The following TMTC2 variants were observed in gnomAD, a reference collection of about 807,000 sequenced individuals.
TMTC2 encodes the protein protein O-mannosyl-transferase TMTC2.
A neutral mutation model predicts 82.4 loss-of-function variants in TMTC2; 43 were observed. The ratio of observed to expected loss-of-function variants is 0.52; its 90% CI spans 0.41 to 0.67. The LOEUF (loss-of-function observed/expected upper bound fraction) is 0.67. Ranked by LOEUF, TMTC2 falls within the 30% of genes least tolerant of loss-of-function variation. The pLI is 0.00. For synonymous variants in TMTC2, 408 were observed against 381.9 expected, an observed-to-expected ratio of 1.07 and a Z score of -0.80; for missense variants, 919 against 1,012.4, an observed-to-expected ratio of 0.91 and a Z score of 1.25.
chr12:83,087,382 T>G (rs1365107654), intron 11 of TMTC2, among the ~76,000 whole-genome samples: 1 of 152,222 alleles, frequency 6.6e-6, no homozygotes, highest in Non-Finnish European at 1.5e-5. Flanking sequence ...TCCTAACTCT[T>G]GTTAAGGTTG....
At chr12:82,735,560 T>A (rs1565727905) in intron 1 of TMTC2, among the ~76,000 whole-genome samples, 1 of 151,942 alleles carries the variant, frequency 6.6e-6, no homozygotes, top group South Asian at 2.1e-4. Context: ...TTAGCCAGGA[T>A]GGTCTCGATC....
At chr12:82,782,396 T>C (rs1441999038) in intron 1 of TMTC2, among the ~76,000 whole-genome samples, 1 of 152,154 alleles carries the variant, frequency 6.6e-6, no homozygotes, top group Non-Finnish European at 1.5e-5. Flanking sequence ...GGTCTCAGAA[T>C]TGATTACAGG....
chr12:83,091,558 T>C (rs1883850408), intron 11 of TMTC2, among the ~76,000 whole-genome samples: 1 of 152,246 alleles, frequency 6.6e-6, no homozygotes, highest in Admixed American at 6.5e-5. Context: ...ATTTTTTATG[T>C]TATTATTGAC....
chr12:82,946,865 C>A (rs1877028670), intron 4 of TMTC2, among the ~76,000 whole-genome samples: 1 of 151,822 alleles, frequency 6.6e-6, no homozygotes, highest in Non-Finnish European at 1.5e-5. Flanking sequence ...CCTCAGCCTC[C>A]CAAGTAGCTG....
rs191280370 is a variant in TMTC2 at position 83,035,479 on chromosome 12, T to C, written c.2152+4600T>C. Among the ~76,000 whole-genome samples the C allele has an allele frequency of 5.3e-5, 8 of 152,298 alleles. No individual in the cohort carries two copies. The East Asian group carries it at 1.3e-3, about 26-fold the overall frequency. ...CATGGACTCCAAAAATGTTTTCTAG[T>C]ACTCCGATTTCTTGTTGTTTGTAAC... is the stretch of plus-strand genomic sequence containing the variant. On this transcript the variant is annotated intron_variant, in intron 9 of 11. Transcript: ENST00000321196.
At position 82,965,442 on chromosome 12, in the gene TMTC2, AT is replaced by A. The variant is rs983436911; in HGVS notation, c.1685-111del. 4 of 1,044,008 alleles carry A rather than the reference AT, an allele frequency of 3.8e-6. No individual in the cohort carries two copies. In the African/African-American group the frequency reaches 4.9e-5, roughly 13 times the overall value. 64.7% of individuals were successfully genotyped at this position (1,044,008 alleles called of 1,614,324 possible). A position where few individuals can be genotyped will look rare whatever the true frequency, so the allele number is the denominator to read the frequency against. On this transcript the variant is annotated intron_variant, in intron 5 of 11. Transcript: ENST00000321196. Reference sequence around the variant, plus strand: ...TCCCATGAGTATTTGTGTCATAAGTATTTTTTTCTTTTTTAATGAGCACTAA... The same window carrying A: ...TCCCATGAGTATTTGTGTCATAAGTATTTTTTCTTTTTTAATGAGCACTAA...
At chr12:82,909,506 A>AT (rs1056160848) in intron 3 of TMTC2, among the ~76,000 whole-genome samples, 5 of 151,554 alleles carry the variant, frequency 3.3e-5, no homozygotes, top group African/African-American at 7.3e-5. Flanking sequence ...CACCCTGCCA[A>AT]TTTTTTTGTA....
chr12:82,991,612 A>G (rs1477958406), intron 8 of TMTC2, among the ~76,000 whole-genome samples: 1 of 152,200 alleles, frequency 6.6e-6, no homozygotes, highest in Non-Finnish European at 1.5e-5. Flanking sequence ...TCTCTTTAAA[A>G]TATATGGAAA....
At chr12:82,935,011 G>GA (rs138754057) in intron 4 of TMTC2, among the ~76,000 whole-genome samples, 1 of 151,760 alleles carries the variant, frequency 6.6e-6, no homozygotes, top group African/African-American at 2.4e-5. Flanking sequence ...TTCAAATTTA[G>GA]AAAAAAATAA....
At chr12:83,106,967 G>A (rs1008519461) in intron 11 of TMTC2, among the ~76,000 whole-genome samples, 6 of 152,194 alleles carry the variant, frequency 3.9e-5, no homozygotes, top group Admixed American at 2.0e-4. Flanking sequence ...AAACAAAACA[G>A]TAAATTAATG....
At chr12:82,796,279 A>C (rs1878714310) in intron 1 of TMTC2, among the ~76,000 whole-genome samples, 1 of 152,162 alleles carries the variant, frequency 6.6e-6, no homozygotes, top group Non-Finnish European at 1.5e-5. Flanking sequence ...GCTGGTTACT[A>C]AGGTATCTTG....
At chr12:83,063,545 C>CCCTA (rs1882815891) in intron 11 of TMTC2, among the ~76,000 whole-genome samples, 1 of 151,832 alleles carries the variant, frequency 6.6e-6, no homozygotes. Flanking sequence ...CCTTTGTGAT[C>CCCTA]CCTATTCTGT....
In TMTC2 at chr12:83,045,709, A is replaced by ACACG. The variant is rs368428727; in HGVS notation, c.2153-5192_2153-5191insGCAC. Among the ~76,000 whole-genome samples the ACACG allele has an allele frequency of 3.4e-3, 350 of 103,634 alleles. 2 individuals are homozygous for ACACG. Among genetic ancestry groups the ACACG allele is most frequent in the Non-Finnish European group, 5.8e-3 (267 of 46,044 alleles). The allele number at this position is 103,634 out of a possible 152,430, so 68.0% of individuals were successfully genotyped here. ...TTATAGGGCAGGAAAGGGCTCCTTC[A>ACACG]CACACACACACACACACGCACACAC... On this transcript the variant is annotated intron_variant, in intron 9 of 11. Transcript: ENST00000321196.
At chr12:82,829,767 C>A (rs540669666) in intron 1 of TMTC2, among the ~76,000 whole-genome samples, 1 of 152,142 alleles carries the variant, frequency 6.6e-6, no homozygotes, top group African/African-American at 2.4e-5. Context: ...TGTCAGAGGG[C>A]TTCTGAAGTC....
chr12:82,919,452 C>T (rs1226884864), intron 3 of TMTC2, among the ~76,000 whole-genome samples: 2 of 152,160 alleles, frequency 1.3e-5, no homozygotes, highest in Non-Finnish European at 2.9e-5. Context: ...TGCAAAAATA[C>T]ATTCATTTCA....
intron 4 of TMTC2, among the ~76,000 whole-genome samples, chr12:82,948,376 A>C (rs202111569): frequency 2.3e-4 from 10 of 43,822 alleles, no homozygotes; most frequent in Admixed American, 1.9e-3. Flanking sequence ...ATTTAAACAA[A>C]AAAAAAAAAG....
chr12:82,739,017 G>A (rs183946428), intron 1 of TMTC2, among the ~76,000 whole-genome samples: 133 of 151,768 alleles, frequency 8.8e-4, no homozygotes, highest in African/African-American at 2.9e-3. Flanking sequence ...GTGTGGTGGC[G>A]CACACCTGTA....
chr12:82,955,348 G>C (rs1328772526), intron 4 of TMTC2, among the ~76,000 whole-genome samples: 1 of 152,174 alleles, frequency 6.6e-6, no homozygotes, highest in Admixed American at 6.5e-5. Context: ...GGATCACCTA[G>C]GGACCCATAT....
At chr12:82,931,287 C>T (rs1235799922) in intron 4 of TMTC2, among the ~76,000 whole-genome samples, 1 of 151,888 alleles carries the variant, frequency 6.6e-6, no homozygotes. Context: ...ATGTGCTATA[C>T]CAGAAAAGTG....
Sources: allele counts gnomAD v4.1 joint callset (sites outside exome capture counted in the v4.1 genomes callset), GRCh38; gene constraint gnomAD v4.1.1; transcripts MANE v1.5; gene names NCBI Gene and HGNC (gene_info 2026-07-23, HGNC 2026-07-21).